SYT1: variants seen among roughly 807,000 people sequenced by gnomAD.
The protein encoded by SYT1 is synaptotagmin-1.
In SYT1, 8 loss-of-function variants were observed where a neutral mutation model predicts 44.8. That is an observed-to-expected ratio of 0.18 (90% confidence interval 0.10 to 0.32). The LOEUF is 0.32. Ranked by LOEUF, SYT1 falls within the 10% of genes least tolerant of loss-of-function variation. The pLI is 1.00. For missense variants in SYT1, 286 were observed against 509.3 expected, an observed-to-expected ratio of 0.56 and a Z score of 4.22; for synonymous variants, 154 against 188.8, an observed-to-expected ratio of 0.82 and a Z score of 1.51.
intron 4 of SYT1, among the ~76,000 whole-genome samples, chr12:79,239,897 T>C (rs1876400839): frequency 6.6e-6 from 1 of 152,218 alleles, no homozygotes; most frequent in African/African-American, 2.4e-5. Context: ...CATGACTGCT[T>C]CTTCAAGGCC....
chr12:78,953,939 A>G (rs1299348822), intron 1 of SYT1, among the ~76,000 whole-genome samples: 2 of 152,084 alleles, frequency 1.3e-5, no homozygotes, highest in Non-Finnish European at 2.9e-5. Flanking sequence ...TTATATGTCT[A>G]CTAACATTTC....
chr12:79,343,310 A>ACATGG (rs1293019716), intron 8 of SYT1, among the ~76,000 whole-genome samples: 5 of 152,200 alleles, frequency 3.3e-5, no homozygotes, highest in Admixed American at 2.0e-4. Flanking sequence ...GAGCAGAGAG[A>ACATGG]CATGGCACAT....
intron 9 of SYT1, among the ~76,000 whole-genome samples, chr12:79,384,458 C>T (rs756617487): frequency 6.6e-6 from 1 of 152,090 alleles, no homozygotes; most frequent in Admixed American, 6.6e-5. Context: ...TATGAGGGCA[C>T]GTAATCAGAG....
intron 3 of SYT1, among the ~76,000 whole-genome samples, chr12:79,051,489 T>C (rs1206586808): frequency 6.6e-6 from 1 of 151,210 alleles, no homozygotes; most frequent in African/African-American, 2.4e-5. Flanking sequence ...TGATAAGTAG[T>C]AAAGAAAAAT....
At chr12:79,016,905 T>C (rs115415273) in intron 2 of SYT1, among the ~76,000 whole-genome samples, 1 of 152,148 alleles carries the variant, frequency 6.6e-6, no homozygotes, top group African/African-American at 2.4e-5. Flanking sequence ...TCCACTCCAC[T>C]ATGTACTAAC....
At chr12:79,337,607 G>C (rs1255816698) in intron 8 of SYT1, among the ~76,000 whole-genome samples, 1 of 152,172 alleles carries the variant, frequency 6.6e-6, no homozygotes, top group African/African-American at 2.4e-5. Context: ...CAGGAAGCCT[G>C]TGTATAAATC....
intron 9 of SYT1, among the ~76,000 whole-genome samples, chr12:79,429,674 A>G (rs1022699329): frequency 2.6e-5 from 4 of 152,016 alleles, no homozygotes; most frequent in Non-Finnish European, 4.4e-5. Context: ...GACTACAGGC[A>G]CCCACCACCA....
chr12:79,233,034 C>T (rs1159203595), intron 4 of SYT1, among the ~76,000 whole-genome samples: 1 of 152,118 alleles, frequency 6.6e-6, no homozygotes, highest in Admixed American at 6.5e-5. Context: ...ACATTATCAT[C>T]TTCTGTTCCC....
chr12:79,069,898 T>A (rs964608986), intron 3 of SYT1, among the ~76,000 whole-genome samples: 1 of 152,026 alleles, frequency 6.6e-6, no homozygotes, highest in Non-Finnish European at 1.5e-5. Context: ...TAGAATAGAA[T>A]TAAGTCTCAT....
At chr12:79,146,872 A>T (rs1293136397) in intron 3 of SYT1, among the ~76,000 whole-genome samples, 1 of 151,880 alleles carries the variant, frequency 6.6e-6, no homozygotes, top group Non-Finnish European at 1.5e-5. Flanking sequence ...ATGGAGTCTC[A>T]CTCTGTCGCC....
intron 3 of SYT1, among the ~76,000 whole-genome samples, chr12:79,067,250 CCTAT>C (rs1875936103): frequency 1.3e-5 from 2 of 152,060 alleles, no homozygotes; most frequent in Non-Finnish European, 2.9e-5. Flanking sequence ...ATAGCTCATA[CCTAT>C]CTATTTTTTT....
intron 1 of SYT1, among the ~76,000 whole-genome samples, chr12:78,963,793 T>C (rs1188947787): frequency 6.6e-6 from 1 of 152,134 alleles, no homozygotes; most frequent in Non-Finnish European, 1.5e-5. Flanking sequence ...AGTAGTGCTA[T>C]TATATGATTC....
chr12:79,414,958 G>T (rs1167628548), intron 9 of SYT1, among the ~76,000 whole-genome samples: 1 of 152,114 alleles, frequency 6.6e-6, no homozygotes, highest in Non-Finnish European at 1.5e-5. Context: ...TGGTCTCATG[G>T]CTCACCACAG....
At chr12:79,171,116 T>A (rs906882774) in intron 3 of SYT1, among the ~76,000 whole-genome samples, 2 of 151,978 alleles carry the variant, frequency 1.3e-5, no homozygotes, top group African/African-American at 4.8e-5. Context: ...AGTTTGAAGT[T>A]GGGTAGTGTG....
At chr12:78,941,515 T>A (rs1440120843) in intron 1 of SYT1, among the ~76,000 whole-genome samples, 1 of 152,176 alleles carries the variant, frequency 6.6e-6, no homozygotes, top group African/African-American at 2.4e-5. Context: ...ATTTTACATC[T>A]ACTGCATGCT....
At chr12:79,429,490 A>G (rs1454009131) in intron 9 of SYT1, among the ~76,000 whole-genome samples, 4 of 151,786 alleles carry the variant, frequency 2.6e-5, no homozygotes, top group Non-Finnish European at 5.9e-5. Context: ...ATTACAGACC[A>G]CTATGCCCAG....
intron 1 of SYT1, among the ~76,000 whole-genome samples, chr12:78,918,627 C>A (rs1325384475): frequency 6.6e-6 from 1 of 152,036 alleles, no homozygotes; most frequent in African/African-American, 2.4e-5. Flanking sequence ...GCATCATTCA[C>A]AGAGGACTCA....
chr12:78,876,033 A>G (rs1874050614), intron 1 of SYT1, among the ~76,000 whole-genome samples: 1 of 151,682 alleles, frequency 6.6e-6, no homozygotes, highest in Non-Finnish European at 1.5e-5. Flanking sequence ...TTTTTATCAC[A>G]TTCATGACAC....
intron 3 of SYT1, among the ~76,000 whole-genome samples, chr12:79,099,832 T>G (rs1387464255): frequency 1.3e-5 from 2 of 152,136 alleles, no homozygotes; most frequent in Non-Finnish European, 2.9e-5. Flanking sequence ...TTCACATTTT[T>G]CAAAGCACAG....
Sources: gnomAD v4.1 joint callset for allele counts (sites outside exome capture counted in the v4.1 genomes callset) on GRCh38, gnomAD v4.1.1 for gene constraint, MANE v1.5 for transcripts, NCBI Gene and HGNC (gene_info 2026-07-23, HGNC 2026-07-21) for gene names.